Variants in USH2A observed in about 807,000 individuals in gnomAD.
USH2A encodes usherin.
USH2A carries 443 observed loss-of-function variants against 538.9 expected under a neutral mutation model. The observed-to-expected ratio is 0.82, with a 90% CI of 0.76 to 0.89. The LOEUF (loss-of-function observed/expected upper bound fraction) is 0.89, where lower values mean the gene tolerates loss of function less well. Among genes scored for constraint, USH2A ranks in the 40% least tolerant of loss-of-function variants. The probability of loss-of-function intolerance (pLI) is 0.00; values close to 1 mark genes in which losing one functional copy is unlikely to be tolerated. For synonymous variants in USH2A, 2,413 were observed against 2,273.5 expected, an observed-to-expected ratio of 1.06 and a Z score of -1.75; for missense variants, 6,633 against 6,324.8, an observed-to-expected ratio of 1.05 and a Z score of -1.65.
chr1:215,923,244 G>A (rs1666147978), intron 38 of USH2A, among the ~76,000 whole-genome samples: 1 of 151,892 alleles, frequency 6.6e-6, no homozygotes, highest in Non-Finnish European at 1.5e-5. Flanking sequence ...GTGGGTTCCT[G>A]TAATCAACAA....
intron 43 of USH2A, among the ~76,000 whole-genome samples, chr1:215,876,894 G>T (rs1392614297): frequency 6.6e-6 from 1 of 152,130 alleles, no homozygotes; most frequent in Non-Finnish European, 1.5e-5. Flanking sequence ...GAAAGGGATG[G>T]GAGACAAGGC....
chr1:215,999,658 A>G (rs1051778358), intron 33 of USH2A, among the ~76,000 whole-genome samples: 1 of 152,188 alleles, frequency 6.6e-6, no homozygotes, highest in Non-Finnish European at 1.5e-5. Context: ...TAGAACAGAC[A>G]GGAAATTGTT....
intron 32 of USH2A, 24 bp downstream of exon 32, chr1:216,046,407 C>T (rs772462143): frequency 2.0e-5 from 32 of 1,612,814 alleles, no homozygotes; most frequent in South Asian, 1.8e-4. Context: ...TATAACAATT[C>T]GCTGATAACT....
rs775728135 is a variant in USH2A, at chr1:215,680,375, C to A, written c.12068G>T (p.Gly4023Val). Residue 4023 changes from glycine (G) to valine (V), a missense_variant and splice_region_variant, in exon 62 of 72, where the codon GGA (glycine) becomes GTA (valine). Physicochemically the swap from Gly to Val is moderately radical, Grantham distance 109. Transcript: ENST00000307340. ...GTACAGGTGGGCTTGATGGCTTGTT[C>A]CCTGTAAGAAAATTAACAGGTTAAG... is the stretch of plus-strand genomic sequence containing the variant. ...SPTVHAFTVK[G>V]TSHQAHLYGL... is the part of the protein sequence containing the mutation. The A allele has an allele frequency of 6.2e-7, 1 of 1,610,592 alleles. No homozygotes were observed. The highest frequency in any genetic ancestry group is 2.2e-5 in the East Asian group (1 of 44,650).
chr1:216,113,152 A>G (rs75920196), intron 21 of USH2A, among the ~76,000 whole-genome samples: 10 of 146,448 alleles, frequency 6.8e-5, no homozygotes, highest in African/African-American at 2.0e-4. Context: ...AAAAAAAAAA[A>G]AAAACAAAAC....
chr1:216,053,152 A>G (rs974987098), intron 30 of USH2A, among the ~76,000 whole-genome samples: 3 of 152,254 alleles, frequency 2.0e-5, no homozygotes, highest in African/African-American at 7.2e-5. Context: ...ATGTTTGCAT[A>G]CGGGCCAAGT....
intron 35 of USH2A, 118 bp from the exon 36 acceptor site, chr1:215,970,894 C>T (rs963892583): frequency 1.1e-6 from 1 of 925,400 alleles, no homozygotes. Context: ...ATCACAGACT[C>T]TGGTATTTCT....
chr1:216,073,305 C>T lies in USH2A; in HGVS notation c.5573-5G>A, dbSNP rs1282525905. The T allele has an allele frequency of 6.2e-7, 1 of 1,606,706 alleles. No homozygotes were observed. The highest frequency in any genetic ancestry group is 1.1e-5 in the South Asian group (1 of 90,396). On this transcript the variant is annotated splice_polypyrimidine_tract_variant and splice_region_variant and intron_variant, in intron 27 of 71. Coordinates refer to ENST00000307340, the MANE Select transcript of USH2A (RefSeq NM_206933.4). ...CCTTCATGCAACCACCGAAACCTAGCAAATAGTAAGGGATTAGTATCGCAT... is the reference window on the plus strand; with the variant it reads ...CCTTCATGCAACCACCGAAACCTAGTAAATAGTAAGGGATTAGTATCGCAT...
intron 44 of USH2A, among the ~76,000 whole-genome samples, chr1:215,854,167 G>T (rs1664094516): frequency 6.6e-6 from 1 of 152,196 alleles, no homozygotes; most frequent in African/African-American, 2.4e-5. Context: ...ATGGTGGAAG[G>T]TGAAAGGCAC....
intron 35 of USH2A, among the ~76,000 whole-genome samples, chr1:215,977,567 C>T (rs1216638788): frequency 2.0e-5 from 3 of 152,034 alleles, no homozygotes; most frequent in South Asian, 2.1e-4. Flanking sequence ...AGTACAGTGG[C>T]ATGATCTCGG....
intron 2 of USH2A, among the ~76,000 whole-genome samples, chr1:216,421,444 G>T (rs1316154842): frequency 6.6e-6 from 1 of 152,096 alleles, no homozygotes; most frequent in African/African-American, 2.4e-5. Context: ...TCTGCCTAAT[G>T]AAAATGTTAT....
At chr1:215,688,666 G>A (rs542566799) in intron 61 of USH2A, among the ~76,000 whole-genome samples, 25 of 152,154 alleles carry the variant, frequency 1.6e-4, no homozygotes, top group Admixed American at 3.9e-4. Flanking sequence ...ATGTGTTTCC[G>A]TGTCATCTTT....
At chr1:215,824,397 T>C (rs1663098786) in intron 47 of USH2A, among the ~76,000 whole-genome samples, 1 of 152,096 alleles carries the variant, frequency 6.6e-6, no homozygotes, top group East Asian at 1.9e-4. Flanking sequence ...GCCTCCTTTT[T>C]GGCACTAGAT....
rs1297827509 is a variant in USH2A at position 215,888,716 on chromosome 1, G to T, written c.7933C>A (p.Gln2645Lys). 2.5e-6 allele frequency: 4 copies of T among 1,614,118 alleles called. No individual in the cohort carries two copies. The African/African-American group carries it at 5.3e-5, about 22-fold the overall frequency. The part of the protein sequence containing the change: ...DTPTSVIISW[Q>K]PPTHPNGLVE... ...AAGCCATTGGGGTGGGTAGGGGGTT[G>T]CCAAGATATAATCACAGATGTTGGA... is the stretch of plus-strand genomic sequence containing the variant. The change falls in exon 41 of 72, where the codon CAA (glutamine) becomes AAA (lysine). Residue 2645 changes from glutamine (Q) to lysine (K), a missense_variant. Coordinates refer to ENST00000307340, the MANE Select transcript of USH2A (RefSeq NM_206933.4).
At chr1:215,755,877 T>G (rs1660778747) in intron 58 of USH2A, among the ~76,000 whole-genome samples, 1 of 152,150 alleles carries the variant, frequency 6.6e-6, no homozygotes, top group Non-Finnish European at 1.5e-5. Flanking sequence ...ACATTAAACA[T>G]TTAAGTGTGA....
chr1:215,943,380 A>T (rs1338204126), intron 37 of USH2A, among the ~76,000 whole-genome samples: 1 of 152,180 alleles, frequency 6.6e-6, no homozygotes, highest in Non-Finnish European at 1.5e-5. Context: ...GAATAGAGCT[A>T]AAATCTAAAT....
At chr1:215,789,537 A>T (rs923164080) in intron 51 of USH2A, among the ~76,000 whole-genome samples, 1 of 152,196 alleles carries the variant, frequency 6.6e-6, no homozygotes, top group Non-Finnish European at 1.5e-5. Context: ...ACAAAAACAT[A>T]AGCGATTACA....
At chr1:216,167,697 C>T (rs1325569190) in intron 21 of USH2A, among the ~76,000 whole-genome samples, 2 of 152,082 alleles carry the variant, frequency 1.3e-5, no homozygotes, top group African/African-American at 4.8e-5. Flanking sequence ...ACCCACTTGG[C>T]CCTCTTCCAA....
intron 37 of USH2A, among the ~76,000 whole-genome samples, chr1:215,957,377 C>G (rs544252977): frequency 3.9e-5 from 6 of 152,208 alleles, no homozygotes; most frequent in African/African-American, 1.4e-4. Flanking sequence ...TTCTAAGTCT[C>G]TAAAATAAAT....
Sources: gnomAD v4.1 joint callset for allele counts (sites outside exome capture counted in the v4.1 genomes callset) on GRCh38, gnomAD v4.1.1 for gene constraint, MANE v1.5 for transcripts, NCBI Gene and HGNC (gene_info 2026-07-23, HGNC 2026-07-21) for gene names.